The following PPP1R8 variants were observed in gnomAD, a reference collection of about 807,000 sequenced individuals.
PPP1R8 encodes protein phosphatase 1 regulatory subunit 8.
PPP1R8 carries 4 observed loss-of-function variants against 31.3 expected under a neutral mutation model. The ratio of observed to expected loss-of-function variants is 0.13; its 90% CI spans 0.06 to 0.29. The LOEUF is 0.29. Ranked by LOEUF, PPP1R8 falls within the 10% of genes least tolerant of loss-of-function variation. PPP1R8 has a pLI of 1.00. For missense variants in PPP1R8, 254 were observed against 440.1 expected, an observed-to-expected ratio of 0.58 and a Z score of 3.78; for synonymous variants, 170 against 169.7, an observed-to-expected ratio of 1.00 and a Z score of -0.01.
rs572684019 is a variant in PPP1R8 at position 27,848,329 on chromosome 1, C to T, written c.702+1237C>T. ...CTGAGGCAGGAGAATGGCGTGAACC[C>T]GGGGGGCAGAGCTTGCAGTGAGCCG... On this transcript the variant is annotated intron_variant, in intron 6 of 6. Coordinates refer to ENST00000311772, the MANE Select transcript of PPP1R8 (RefSeq NM_014110.5). 4.0e-5 allele frequency among the ~76,000 whole-genome samples: 6 copies of T among 151,364 alleles called. No individual in the cohort carries two copies. The East Asian group carries it at 7.8e-4, about 20-fold the overall frequency.
chr1:27,849,889 C>T (rs564024729), intron 6 of PPP1R8, among the ~76,000 whole-genome samples: 18 of 152,244 alleles, frequency 1.2e-4, no homozygotes, highest in Middle Eastern at 3.4e-3. Context: ...TGGGAACCAT[C>T]GTAGATGACT....
intron 3 of PPP1R8, among the ~76,000 whole-genome samples, chr1:27,840,523 C>T (rs963829599): frequency 6.6e-6 from 1 of 152,194 alleles, no homozygotes; most frequent in African/African-American, 2.4e-5. Flanking sequence ...GCATAACTGC[C>T]ACCAGGCCAG....
chr1:27,848,172 G>T lies in PPP1R8; in HGVS notation c.702+1080G>T, dbSNP rs144991112. Among the ~76,000 whole-genome samples the T allele has an allele frequency of 8.3e-3, 1,258 of 152,280 alleles. 8 individuals are homozygous for T. The highest frequency in any genetic ancestry group is 0.016 in the Admixed American group (240 of 15,294). ...AATCCCAGCACTTTGGGAGGCCGAGGTGGGCAGATTACAAGGTCAGGAGAT... is the reference window on the plus strand; with the variant it reads ...AATCCCAGCACTTTGGGAGGCCGAGTTGGGCAGATTACAAGGTCAGGAGAT... On this transcript the variant is annotated intron_variant, in intron 6 of 6. Transcript: ENST00000311772.
chr1:27,850,006 G>C (rs1454567237), intron 6 of PPP1R8, 87 bp from the exon 7 acceptor site: 1 of 1,269,220 alleles, frequency 7.9e-7, no homozygotes, highest in Non-Finnish European at 1.1e-6. Flanking sequence ...TTTTTTTAAG[G>C]CTGGAATAGA....
intron 5 of PPP1R8, among the ~76,000 whole-genome samples, chr1:27,844,813 G>T (rs372923154): frequency 6.3e-5 from 9 of 143,516 alleles, no homozygotes; most frequent in Non-Finnish European, 7.5e-5. Flanking sequence ...CGCCTCCTGG[G>T]TTCACGCCAT....
At chr1:27,848,244 T>C (rs1339964488) in intron 6 of PPP1R8, among the ~76,000 whole-genome samples, 2 of 151,490 alleles carry the variant, frequency 1.3e-5, no homozygotes, top group African/African-American at 4.9e-5. Flanking sequence ...CTACTGAAAA[T>C]ACAAAAAAAA....
In PPP1R8 at chr1:27,844,884, ATTTTTTTTTT is replaced by A. The variant is rs765514573; in HGVS notation, c.637+1575_637+1584del. Among the ~76,000 whole-genome samples, 188 of 72,368 alleles carry A rather than the reference ATTTTTTTTTT, an allele frequency of 2.6e-3. 1 individual carries two copies. Among genetic ancestry groups the A allele is most frequent in the African/African-American group, 0.018 (180 of 9,862 alleles). 47.5% of individuals were successfully genotyped at this position (72,368 alleles called of 152,430 possible). On this transcript the variant is annotated intron_variant, in intron 5 of 6. Transcript: ENST00000311772. The stretch of plus-strand genomic sequence containing the variant: ...AGGCGCCCGCCACCATGCCCGACTA[ATTTTTTTTTT>A]TTTTTTTTTTTTTTTTTTTTAGTAG...
chr1:27,838,617 T>G (rs1446885041), intron 2 of PPP1R8, 82 bp from the exon 3 acceptor site: 1 of 939,090 alleles, frequency 1.1e-6, no homozygotes, highest in African/African-American at 1.7e-5. Context: ...TTTTATCTAC[T>G]CAAGATTCTC....
intron 5 of PPP1R8, among the ~76,000 whole-genome samples, chr1:27,845,257 G>A (rs897588970): frequency 3.3e-5 from 5 of 150,924 alleles, no homozygotes; most frequent in Non-Finnish European, 5.9e-5. Flanking sequence ...GGGTGTGGTG[G>A]CGGGCGCCTG....
At chr1:27,842,375 T>G (rs992485762) in intron 4 of PPP1R8, among the ~76,000 whole-genome samples, 2 of 151,606 alleles carry the variant, frequency 1.3e-5, no homozygotes, top group African/African-American at 4.9e-5. Context: ...AATTTTACAA[T>G]TAAGAAGTCG....
intron 5 of PPP1R8, among the ~76,000 whole-genome samples, chr1:27,843,823 C>G (rs934479307): frequency 2.0e-5 from 3 of 151,816 alleles, no homozygotes; most frequent in Admixed American, 6.6e-5. Context: ...CATGGTGGCA[C>G]ACACCTGCAG....
chr1:27,843,336 G>T lies in PPP1R8; in HGVS notation c.637+6G>T. ...TGATGAGATCATCAACCCAGGTGAG[G>T]TATCTTGCTAGTTTATTCTGATGAA... On this transcript the variant is annotated splice_donor_region_variant and intron_variant, in intron 5 of 6. Transcript: ENST00000311772. 1 of 1,614,128 alleles carries T rather than the reference G, an allele frequency of 6.2e-7. No homozygotes were observed.
chr1:27,848,724 C>G (rs1296904040), intron 6 of PPP1R8, among the ~76,000 whole-genome samples: 1 of 152,112 alleles, frequency 6.6e-6, no homozygotes, highest in Non-Finnish European at 1.5e-5. Context: ...GAGCTTTAGT[C>G]TAGTATGGAA....
intron 2 of PPP1R8, among the ~76,000 whole-genome samples, chr1:27,836,148 T>TTAGGACTATAGTGTGAAATGTGAAC (rs2089163043): frequency 6.6e-6 from 1 of 152,232 alleles, no homozygotes; most frequent in African/African-American, 2.4e-5. Flanking sequence ...CTCAGGGATT[T>TTAGGACTATAGTGTGAAATGTGAAC]TAGGACTATA....
chr1:27,851,441 C>T lies in PPP1R8; in HGVS notation c.*995C>T. The T allele has an allele frequency of 4.7e-6, 2 of 425,004 alleles. No individual in the cohort carries two copies. Among genetic ancestry groups the T allele is most frequent in the Non-Finnish European group, 9.6e-6 (2 of 208,798 alleles). 26.3% of individuals were successfully genotyped at this position (425,004 alleles called of 1,614,324 possible). ...TACAAGCTTTGTACAGAGATTTGTA[C>T]ATTTGTGTAATAGGCCTTTTCATGC... On this transcript the variant is annotated 3_prime_UTR_variant, in exon 7 of 7. Transcript: ENST00000311772.
chr1:27,836,666 C>T (rs2089169343), intron 2 of PPP1R8, among the ~76,000 whole-genome samples: 1 of 152,114 alleles, frequency 6.6e-6, no homozygotes, highest in South Asian at 2.1e-4. Flanking sequence ...GATCCGCCTG[C>T]CTCGGCCTCC....
In PPP1R8 at chr1:27,851,484, A is replaced by G; in HGVS notation, c.*1038A>G. 2.2e-6 allele frequency: 1 copy of G among 454,014 alleles called. No homozygotes were observed. Among genetic ancestry groups the G allele is most frequent in the East Asian group, 6.9e-5 (1 of 14,548 alleles). The allele number at this position is 454,014 out of a possible 1,614,324, so 28.1% of individuals were successfully genotyped here. A position where few individuals can be genotyped will look rare whatever the true frequency, so the allele number is the denominator to read the frequency against. ...TTTCATGCTTTATGTGTAGCTTTTT[A>G]CCTGTAACCTTTATTACATTGTAAA... On this transcript the variant is annotated 3_prime_UTR_variant, in exon 7 of 7. Coordinates refer to ENST00000311772, the MANE Select transcript of PPP1R8 (RefSeq NM_014110.5).
At chr1:27,849,358 T>C (rs1290208417) in intron 6 of PPP1R8, among the ~76,000 whole-genome samples, 1 of 123,742 alleles carries the variant, frequency 8.1e-6, no homozygotes, top group Admixed American at 9.3e-5. Context: ...GCAACAAGAG[T>C]GAAACTCTGT....
intron 2 of PPP1R8, among the ~76,000 whole-genome samples, chr1:27,837,508 G>A (rs140734805): frequency 6.1e-4 from 92 of 150,936 alleles, no homozygotes; most frequent in Non-Finnish European, 9.9e-4. Flanking sequence ...CGGGCGCAGC[G>A]GTTGGCTCAT....
Sources: allele counts gnomAD v4.1 joint callset (sites outside exome capture counted in the v4.1 genomes callset), GRCh38; gene constraint gnomAD v4.1.1; transcripts MANE v1.5; gene names NCBI Gene and HGNC (gene_info 2026-07-23, HGNC 2026-07-21).